SDHC: variants seen among roughly 807,000 people sequenced by gnomAD.
The protein encoded by SDHC is succinate dehydrogenase complex subunit C.
SDHC carries 11 observed loss-of-function variants against 22.6 expected under a neutral mutation model. The observed-to-expected ratio is 0.49, with a 90% CI of 0.31 to 0.81. The LOEUF (loss-of-function observed/expected upper bound fraction) is 0.81, where lower values mean the gene tolerates loss of function less well. SDHC is among the 30% of genes least tolerant of loss of function. The probability of loss-of-function intolerance (pLI) is 0.05; values close to 1 mark genes in which losing one functional copy is unlikely to be tolerated. For synonymous variants in SDHC, 80 were observed against 77.8 expected, an observed-to-expected ratio of 1.03 and a Z score of -0.15; for missense variants, 160 against 212.0, an observed-to-expected ratio of 0.75 and a Z score of 1.52.
At chr1:161,352,945 C>T (rs1305389687) in intron 4 of SDHC, among the ~76,000 whole-genome samples, 3 of 151,984 alleles carry the variant, frequency 2.0e-5, no homozygotes, top group African/African-American at 7.3e-5. Context: ...CCACCGCACT[C>T]CAGTCTGGGC....
chr1:161,333,595 G>C (rs1007235880), intron 3 of SDHC, among the ~76,000 whole-genome samples: 1 of 151,878 alleles, frequency 6.6e-6, no homozygotes, highest in Non-Finnish European at 1.5e-5. Flanking sequence ...ATAGAGACGG[G>C]GTTTCACCAT....
chr1:161,352,746 G>C (rs745589713), intron 4 of SDHC, among the ~76,000 whole-genome samples: 4 of 152,136 alleles, frequency 2.6e-5, no homozygotes, highest in African/African-American at 4.8e-5. Context: ...AGGCCAAGGC[G>C]AGTGGATCAC....
intron 4 of SDHC, among the ~76,000 whole-genome samples, chr1:161,347,337 C>T (rs1243939351): frequency 6.6e-6 from 1 of 152,092 alleles, no homozygotes; most frequent in Non-Finnish European, 1.5e-5. Flanking sequence ...TCACTGCAAC[C>T]TCCGCCTGCC....
At chr1:161,315,161 G>A (rs536520384) in intron 1 of SDHC, among the ~76,000 whole-genome samples, 3 of 152,286 alleles carry the variant, frequency 2.0e-5, no homozygotes, top group African/African-American at 7.2e-5. Context: ...AGCGACTAGC[G>A]CCTTTAGACA....
chr1:161,340,767 A>C (rs1268444772), intron 4 of SDHC, 112 bp downstream of exon 4: 18 of 810,800 alleles, frequency 2.2e-5, no homozygotes, highest in Non-Finnish European at 2.2e-5. Flanking sequence ...TAGAGGGAAC[A>C]GTAAGTCTCT....
intron 1 of SDHC, among the ~76,000 whole-genome samples, chr1:161,316,006 A>G (rs1431088438): frequency 1.3e-5 from 2 of 152,194 alleles, no homozygotes; most frequent in African/African-American, 4.8e-5. Flanking sequence ...AGATACGTAT[A>G]CACATAAACA....
At chr1:161,330,645 A>T (rs1046970558) in intron 3 of SDHC, among the ~76,000 whole-genome samples, 5 of 152,018 alleles carry the variant, frequency 3.3e-5, no homozygotes, top group African/African-American at 1.2e-4. Context: ...TCTTCTTTTC[A>T]TCTTCTCTCT....
intron 4 of SDHC, among the ~76,000 whole-genome samples, chr1:161,345,997 G>C (rs542982594): frequency 6.6e-6 from 1 of 151,424 alleles, no homozygotes; most frequent in East Asian, 2.0e-4. Context: ...GTAGAGACAG[G>C]GTCTCACTAT....
At chr1:161,318,690 A>T (rs1435263205) in intron 1 of SDHC, among the ~76,000 whole-genome samples, 1 of 152,114 alleles carries the variant, frequency 6.6e-6, no homozygotes, top group African/African-American at 2.4e-5. Context: ...TTATTTTGTT[A>T]TTTTTATTTT....
At chr1:161,339,598 C>CTTCTCCATAAATCAGTTTTCTTTAT (rs1227714961) in intron 3 of SDHC, 5 of 1,220,112 alleles carry the variant, frequency 4.1e-6, no homozygotes, top group Admixed American at 2.7e-5. Flanking sequence ...GGTAGGGATC[C>CTTCTCCATAAATCAGTTTTCTTTAT]TTCTCCATAA....
intron 5 of SDHC, 28 bp from the exon 6 acceptor site, chr1:161,362,301 C>CTT (rs34744926): frequency 3.8e-5 from 57 of 1,497,306 alleles, no homozygotes; most frequent in African/African-American, 5.8e-5. Context: ...ACTGAAATTC[C>CTT]TTTTTTTTTT....
chr1:161,339,635 T>TTTTTGTAACC, intron 3 of SDHC: 1 of 799,346 alleles, frequency 1.3e-6, no homozygotes. Context: ...CTTTAATTTA[T>TTTTTGTAACC]TTTTGTAACC....
intron 4 of SDHC, among the ~76,000 whole-genome samples, chr1:161,348,793 G>A (rs531497852): frequency 4.4e-4 from 67 of 151,672 alleles, no homozygotes; most frequent in African/African-American, 1.6e-3. Flanking sequence ...AGCTAGGATC[G>A]CACCAGTGCA....
At position 161,323,473 on chromosome 1, in the gene SDHC, A is replaced by C. The variant is rs995325856; in HGVS notation, c.21-141A>C. ...TTGGAGTTGTAGCTTTTCAACTAGA[A>C]AATGGTATCAAGGACACTGATACTG... On this transcript the variant is annotated intron_variant, in intron 1 of 5. Coordinates refer to ENST00000367975, the MANE Select transcript of SDHC (RefSeq NM_003001.5). 22 of 664,904 alleles carry C rather than the reference A, an allele frequency of 3.3e-5. No homozygotes were observed. In the African/African-American group the frequency reaches 3.8e-4, roughly 12 times the overall value. The allele number at this position is 664,904 out of a possible 1,614,324, so 41.2% of individuals were successfully genotyped here. A position where few individuals can be genotyped will look rare whatever the true frequency, so the allele number is the denominator to read the frequency against.
chr1:161,357,216 C>A (rs575606147), intron 5 of SDHC, among the ~76,000 whole-genome samples: 26 of 151,204 alleles, frequency 1.7e-4, no homozygotes, highest in African/African-American at 5.8e-4. Context: ...CGTGAGCCAC[C>A]GCGCCCAGCT....
intron 4 of SDHC, among the ~76,000 whole-genome samples, chr1:161,345,188 A>G (rs1024068874): frequency 2.0e-5 from 3 of 152,226 alleles, no homozygotes; most frequent in Non-Finnish European, 2.9e-5. Context: ...TCATTGGAAC[A>G]GGCAAAATTA....
At chr1:161,358,680 A>G (rs528435360) in intron 5 of SDHC, among the ~76,000 whole-genome samples, 3 of 151,732 alleles carry the variant, frequency 2.0e-5, no homozygotes, top group Admixed American at 1.3e-4. Context: ...TAATCTCAGC[A>G]TTTTGGGAGG....
At chr1:161,353,059 A>T (rs2102362188) in intron 4 of SDHC, among the ~76,000 whole-genome samples, 2 of 152,338 alleles carry the variant, frequency 1.3e-5, no homozygotes, top group South Asian at 4.1e-4. Flanking sequence ...ACTTATTTAG[A>T]GGCAGTCTTC....
chr1:161,333,593 G>A (rs373397276), intron 3 of SDHC, among the ~76,000 whole-genome samples: 1 of 151,950 alleles, frequency 6.6e-6, no homozygotes, highest in Non-Finnish European at 1.5e-5. Context: ...TAATAGAGAC[G>A]GGGTTTCACC....
Sources: allele counts gnomAD v4.1 joint callset (sites outside exome capture counted in the v4.1 genomes callset), GRCh38; gene constraint gnomAD v4.1.1; transcripts MANE v1.5; gene names NCBI Gene and HGNC (gene_info 2026-07-23, HGNC 2026-07-21).